Variants in CPNE8 observed in about 807,000 individuals in gnomAD.
CPNE8 encodes the protein copine-8.
CPNE8 carries 45 observed loss-of-function variants against 81.5 expected under a neutral mutation model. The observed-to-expected ratio is 0.55, with a 90% CI of 0.44 to 0.71. The LOEUF (loss-of-function observed/expected upper bound fraction) is 0.71, where lower values mean the gene tolerates loss of function less well. Among genes scored for constraint, CPNE8 ranks in the 30% least tolerant of loss-of-function variants. The pLI, the probability that CPNE8 is intolerant of heterozygous loss-of-function variation, is 0.00. For synonymous variants in CPNE8, 252 were observed against 226.3 expected, an observed-to-expected ratio of 1.11 and a Z score of -1.02; for missense variants, 594 against 672.1, an observed-to-expected ratio of 0.88 and a Z score of 1.28.
intron 19 of CPNE8, among the ~76,000 whole-genome samples, chr12:38,663,874 G>A (rs1006450649): frequency 1.3e-5 from 2 of 152,166 alleles, no homozygotes; most frequent in African/African-American, 4.8e-5. Flanking sequence ...GCCAGGCACA[G>A]AAAAATAAAT....
chr12:38,809,430 G>A (rs530854545), intron 6 of CPNE8, among the ~76,000 whole-genome samples: 6 of 152,244 alleles, frequency 3.9e-5, no homozygotes, highest in Admixed American at 2.0e-4. Context: ...ATTATATTAG[G>A]TGTACCTACA....
intron 5 of CPNE8, among the ~76,000 whole-genome samples, chr12:38,835,364 T>C (rs1392452302): frequency 1.3e-5 from 2 of 152,316 alleles, no homozygotes; most frequent in South Asian, 4.1e-4. Context: ...CTGGTGCTTC[T>C]CCAGTCACTC....
chr12:38,837,874 G>A (rs543385806), intron 5 of CPNE8, among the ~76,000 whole-genome samples: 2 of 152,192 alleles, frequency 1.3e-5, no homozygotes, highest in African/African-American at 4.8e-5. Flanking sequence ...ACGATGAGAA[G>A]ATAAAATTTT....
chr12:38,731,958 T>C (rs1245663526), intron 10 of CPNE8, among the ~76,000 whole-genome samples: 1 of 151,878 alleles, frequency 6.6e-6, no homozygotes, highest in Non-Finnish European at 1.5e-5. Flanking sequence ...TCCATCCTCC[T>C]CCATTGCTAT....
At chr12:38,867,337 TGTGAGAGAGA>T (rs1483688812) in intron 3 of CPNE8, among the ~76,000 whole-genome samples, 16 of 137,158 alleles carry the variant, frequency 1.2e-4, no homozygotes, top group African/African-American at 3.2e-4. Flanking sequence ...TGTGTGTGTG[TGTGAGAGAGA>T]GAGAGAGAGA....
chr12:38,728,774 T>C (rs917815389), intron 11 of CPNE8, among the ~76,000 whole-genome samples: 3 of 152,126 alleles, frequency 2.0e-5, no homozygotes, highest in Non-Finnish European at 4.4e-5. Context: ...GTGCAGATAA[T>C]AAAGTTTGTA....
At chr12:38,685,965 T>C (rs910563045) in intron 15 of CPNE8, among the ~76,000 whole-genome samples, 1 of 152,108 alleles carries the variant, frequency 6.6e-6, no homozygotes, top group Non-Finnish European at 1.5e-5. Context: ...GATAAACATA[T>C]AGAAATCCTA....
At chr12:38,694,026 T>C (rs922924428) in intron 14 of CPNE8, among the ~76,000 whole-genome samples, 188 bp from the exon 15 acceptor site, 4 of 152,166 alleles carry the variant, frequency 2.6e-5, no homozygotes, top group Non-Finnish European at 5.9e-5. Context: ...ATTAGACATA[T>C]AGAAAGTTCT....
intron 3 of CPNE8, among the ~76,000 whole-genome samples, chr12:38,852,394 AC>A: frequency 7.2e-6 from 1 of 139,130 alleles, no homozygotes; most frequent in Non-Finnish European, 1.5e-5. Context: ...GCGCCACTGC[AC>A]TCCCAGCCTG....
intron 6 of CPNE8, among the ~76,000 whole-genome samples, chr12:38,786,436 C>T (rs74522256): frequency 0.034 from 5,212 of 152,062 alleles, 271 homozygotes; most frequent in East Asian, 0.18. Context: ...AAAGAGAGAC[C>T]GGCCTAACCT....
chr12:38,679,567 A>C (rs893238302), intron 16 of CPNE8: 1 of 983,760 alleles, frequency 1.0e-6, no homozygotes, highest in Non-Finnish European at 1.2e-6. Context: ...TGTAATTTGA[A>C]AATCAATTAC....
intron 2 of CPNE8, among the ~76,000 whole-genome samples, chr12:38,874,151 C>A (rs1944032555): frequency 6.6e-6 from 1 of 151,966 alleles, no homozygotes; most frequent in Admixed American, 6.6e-5. Flanking sequence ...TACTCTGTGA[C>A]TAAATAACTT....
Position 38,691,634 on chromosome 12 carries a change from T to A in CPNE8, c.1143+2023A>T, listed in dbSNP as rs568025305. Among the ~76,000 whole-genome samples the A allele has an allele frequency of 3.3e-5, 5 of 152,178 alleles. No individual in the cohort carries two copies. The East Asian group carries it at 9.7e-4, about 29-fold the overall frequency. Reference sequence around the variant, plus strand: ...TGTGGGAGACTATTTTTCATAGATTTAAAGAGGTCTGATCTCTCTGTCTTA... The same window carrying A: ...TGTGGGAGACTATTTTTCATAGATTAAAAGAGGTCTGATCTCTCTGTCTTA... On this transcript the variant is annotated intron_variant, in intron 15 of 19. Coordinates refer to ENST00000331366, the MANE Select transcript of CPNE8 (RefSeq NM_153634.3).
chr12:38,894,721 A>G (rs1270689910), intron 1 of CPNE8, among the ~76,000 whole-genome samples: 1 of 144,482 alleles, frequency 6.9e-6, no homozygotes, highest in East Asian at 2.1e-4. Flanking sequence ...CATATTCTTT[A>G]CTTATAGCTT....
intron 6 of CPNE8, among the ~76,000 whole-genome samples, chr12:38,781,656 C>T (rs941243545): frequency 2.0e-5 from 3 of 151,964 alleles, no homozygotes; most frequent in Non-Finnish European, 2.9e-5. Flanking sequence ...GACACAACTA[C>T]AAAAAGATAA....
chr12:38,671,532 A>C (rs906611154), intron 18 of CPNE8, among the ~76,000 whole-genome samples: 31 of 152,288 alleles, frequency 2.0e-4, no homozygotes, highest in African/African-American at 6.5e-4. Context: ...GGGTTTATTA[A>C]GTTTTCAGTG....
At chr12:38,781,227 G>A (rs1942046605) in intron 6 of CPNE8, among the ~76,000 whole-genome samples, 1 of 151,880 alleles carries the variant, frequency 6.6e-6, no homozygotes, top group Admixed American at 6.6e-5. Flanking sequence ...CAGTTCAAAA[G>A]GAACTAAGAC....
At chr12:38,675,829 ATAAT>A (rs1378577914) in intron 17 of CPNE8, 55 bp from the exon 18 acceptor site, 4 of 1,137,296 alleles carry the variant, frequency 3.5e-6, no homozygotes, top group African/African-American at 3.1e-5. Context: ...TCTTAAGAAA[ATAAT>A]TAAAGGCCAG....
At chr12:38,738,417 G>A (rs1941002945) in intron 10 of CPNE8, among the ~76,000 whole-genome samples, 1 of 152,032 alleles carries the variant, frequency 6.6e-6, no homozygotes, top group African/African-American at 2.4e-5. Context: ...AGTCCCAAAA[G>A]CATTTATCCC....
Sources: gnomAD v4.1 joint callset for allele counts (sites outside exome capture counted in the v4.1 genomes callset) on GRCh38, gnomAD v4.1.1 for gene constraint, MANE v1.5 for transcripts, NCBI Gene and HGNC (gene_info 2026-07-23, HGNC 2026-07-21) for gene names.